SLC10A7: variants seen among roughly 807,000 people sequenced by gnomAD.
The protein encoded by SLC10A7 is sodium/bile acid cotransporter 7.
Under a neutral mutation model 43.2 loss-of-function variants are expected in SLC10A7, and 29 were observed. The ratio of observed to expected loss-of-function variants is 0.67; its 90% CI spans 0.50 to 0.92. The LOEUF is 0.92. Ranked by LOEUF, SLC10A7 falls within the 40% of genes least tolerant of loss-of-function variation. SLC10A7 has a pLI of 0.00. For missense variants in SLC10A7, 295 were observed against 403.2 expected, an observed-to-expected ratio of 0.73 and a Z score of 2.30; for synonymous variants, 152 against 144.8, an observed-to-expected ratio of 1.05 and a Z score of -0.35.
At chr4:146,485,154 C>CT (rs1734804360) in intron 4 of SLC10A7, among the ~76,000 whole-genome samples, 1 of 152,136 alleles carries the variant, frequency 6.6e-6, no homozygotes, top group Non-Finnish European at 1.5e-5. Flanking sequence ...TCTCCCAGAT[C>CT]AAATGGAGAA....
At chr4:146,498,730 T>C (rs905659700) in intron 4 of SLC10A7, among the ~76,000 whole-genome samples, 1 of 152,208 alleles carries the variant, frequency 6.6e-6, no homozygotes, top group African/African-American at 2.4e-5. Context: ...TATACATTGC[T>C]ATGCACATAC....
At chr4:146,405,089 A>G (rs2149822298) in intron 5 of SLC10A7, among the ~76,000 whole-genome samples, 1 of 152,298 alleles carries the variant, frequency 6.6e-6, no homozygotes, top group Middle Eastern at 3.4e-3. Context: ...GATTTACTAT[A>G]GTTTAGTCTT....
chr4:146,507,992 C>T (rs1002863416), intron 3 of SLC10A7, among the ~76,000 whole-genome samples: 6 of 152,222 alleles, frequency 3.9e-5, no homozygotes, highest in African/African-American at 1.4e-4. Context: ...TTAGTAGCCA[C>T]TTTTAAACAT....
At chr4:146,514,140 G>A (rs1737736127) in intron 2 of SLC10A7, 1 of 152,282 alleles carries the variant, frequency 6.6e-6, no homozygotes, top group East Asian at 1.9e-4. Context: ...ATAGCTCTGG[G>A]CTTGAAACAA....
chr4:146,261,908 C>A (rs1466642805), intron 10 of SLC10A7, among the ~76,000 whole-genome samples: 1 of 152,138 alleles, frequency 6.6e-6, no homozygotes, highest in East Asian at 1.9e-4. Flanking sequence ...TCCAGCGACT[C>A]GAGTCATATG....
At chr4:146,453,902 A>AGAGAG (rs1287878474) in intron 4 of SLC10A7, among the ~76,000 whole-genome samples, 4 of 151,950 alleles carry the variant, frequency 2.6e-5, no homozygotes, top group African/African-American at 9.7e-5. Flanking sequence ...GCATGGGGCA[A>AGAGAG]GAGAGGAAGG....
chr4:146,427,509 T>C (rs1729460158), intron 5 of SLC10A7, among the ~76,000 whole-genome samples: 1 of 152,108 alleles, frequency 6.6e-6, no homozygotes, highest in Admixed American at 6.5e-5. Flanking sequence ...GACCCAAAAT[T>C]CTACAGAGAC....
chr4:146,474,365 G>A (rs1733857807), intron 4 of SLC10A7, among the ~76,000 whole-genome samples: 1 of 152,032 alleles, frequency 6.6e-6, no homozygotes, highest in Non-Finnish European at 1.5e-5. Flanking sequence ...CTTACATTTT[G>A]ACAAAATGTA....
chr4:146,383,011 G>A (rs1012296514), intron 5 of SLC10A7, among the ~76,000 whole-genome samples: 2 of 151,986 alleles, frequency 1.3e-5, no homozygotes, highest in East Asian at 1.9e-4. Context: ...ATGGCTCCCC[G>A]ATTTTCTTCT....
At chr4:146,295,663 G>A (rs770038361) in intron 7 of SLC10A7, among the ~76,000 whole-genome samples, 2 of 152,076 alleles carry the variant, frequency 1.3e-5, no homozygotes, top group Non-Finnish European at 2.9e-5. Flanking sequence ...TGGGTAGCTG[G>A]TCATTGGAAG....
intron 6 of SLC10A7, among the ~76,000 whole-genome samples, chr4:146,320,006 T>C (rs929162105): frequency 3.9e-5 from 6 of 152,076 alleles, no homozygotes; most frequent in Non-Finnish European, 7.4e-5. Context: ...TGATTGCTTA[T>C]TTCCTCATCA....
intron 5 of SLC10A7, among the ~76,000 whole-genome samples, chr4:146,393,275 T>A (rs1002125605): frequency 6.7e-6 from 1 of 149,636 alleles, no homozygotes; most frequent in African/African-American, 2.5e-5. Flanking sequence ...ATTCTTTACA[T>A]GCATTTTTAA....
intron 5 of SLC10A7, among the ~76,000 whole-genome samples, chr4:146,351,628 C>A (rs531116704): frequency 1.3e-5 from 2 of 151,930 alleles, no homozygotes; most frequent in African/African-American, 4.8e-5. Context: ...TTAAGGGCAG[C>A]CAGAGAGGAA....
At chr4:146,520,500 T>C (rs1055244941) in intron 1 of SLC10A7, among the ~76,000 whole-genome samples, 7 of 152,216 alleles carry the variant, frequency 4.6e-5, no homozygotes, top group Non-Finnish European at 2.9e-5. Flanking sequence ...TTTAAATAAT[T>C]CCTTTTAAAA....
chr4:146,483,383 T>C (rs1465099322), intron 4 of SLC10A7, among the ~76,000 whole-genome samples: 2 of 151,964 alleles, frequency 1.3e-5, no homozygotes, highest in Non-Finnish European at 2.9e-5. Flanking sequence ...GACAGAAAAA[T>C]TGTTATCAGC....
At chr4:146,464,019 C>T (rs987835445) in intron 4 of SLC10A7, among the ~76,000 whole-genome samples, 1 of 151,472 alleles carries the variant, frequency 6.6e-6, no homozygotes, top group Non-Finnish European at 1.5e-5. Flanking sequence ...GAGATGGGGT[C>T]CCACTATGTT....
chr4:146,432,987 G>A (rs1020370066), intron 5 of SLC10A7, among the ~76,000 whole-genome samples: 43 of 150,780 alleles, frequency 2.9e-4, no homozygotes, highest in Non-Finnish European at 3.8e-4. Flanking sequence ...GCAGTGAGCC[G>A]AGATCACGCC....
chr4:146,349,412 A>C (rs1313766537), intron 5 of SLC10A7, among the ~76,000 whole-genome samples: 2 of 152,216 alleles, frequency 1.3e-5, no homozygotes, highest in African/African-American at 2.4e-5. Context: ...TGTTGGTGGG[A>C]ATGTAAATTA....
chr4:146,472,099 T>C (rs1733618046), intron 4 of SLC10A7, among the ~76,000 whole-genome samples: 1 of 152,140 alleles, frequency 6.6e-6, no homozygotes, highest in Admixed American at 6.5e-5. Context: ...AATAAACTTT[T>C]CTATAAAATA....
Sources: allele counts gnomAD v4.1 joint callset (sites outside exome capture counted in the v4.1 genomes callset), GRCh38; gene constraint gnomAD v4.1.1; transcripts MANE v1.5; gene names NCBI Gene and HGNC (gene_info 2026-07-23, HGNC 2026-07-21).